Variants in GDPD1 observed in about 807,000 individuals in gnomAD.
The protein encoded by GDPD1 is lysophospholipase D GDPD1.
In GDPD1, 28 loss-of-function variants were observed where a neutral mutation model predicts 45.1. That is an observed-to-expected ratio of 0.62 (90% CI 0.46 to 0.85). The LOEUF (loss-of-function observed/expected upper bound fraction) is 0.85. GDPD1 is among the 40% of genes least tolerant of loss of function. The probability of loss-of-function intolerance (pLI) is 0.00; values close to 1 mark genes in which losing one functional copy is unlikely to be tolerated. For missense variants in GDPD1, 256 were observed against 364.8 expected (o/e 0.70, Z 2.43); for synonymous variants, 139 against 131.4 (o/e 1.06, Z -0.40).
chr17:59,271,332 G>A (rs1298108840), intron 8 of GDPD1, among the ~76,000 whole-genome samples: 1 of 152,114 alleles, frequency 6.6e-6, no homozygotes. Context: ...GAAAAGAAGT[G>A]TAGCAACACA....
rs139910173 is a variant in GDPD1, at chr17:59,253,165, G to T, written c.368-3957G>T. Reference sequence around the variant, plus strand: ...CTATTTAAATAGTGGCCCCTAACTTGCATAGGGGCCACTATTCCATCAACC... The same window carrying T: ...CTATTTAAATAGTGGCCCCTAACTTTCATAGGGGCCACTATTCCATCAACC... On this transcript the variant is annotated intron_variant, in intron 4 of 9. Coordinates refer to ENST00000284116, the MANE Select transcript of GDPD1 (RefSeq NM_182569.4). Among the ~76,000 whole-genome samples, 376 of 151,850 alleles carry T rather than the reference G, an allele frequency of 2.5e-3. 4 individuals are homozygous for T. Among genetic ancestry groups the T allele is most frequent in the Non-Finnish European group, 2.4e-3 (161 of 67,936 alleles).
chr17:59,222,156 C>T (rs7406766), intron 1 of GDPD1, among the ~76,000 whole-genome samples: 67,771 of 151,640 alleles, frequency 0.45, 17,056 homozygotes, highest in African/African-American at 0.7. Context: ...ATTCAAGTTG[C>T]TGTCACAGAA....
intron 3 of GDPD1, among the ~76,000 whole-genome samples, chr17:59,248,248 G>A (rs2047227265): frequency 6.6e-6 from 1 of 151,744 alleles, no homozygotes; most frequent in African/African-American, 2.4e-5. Context: ...ACAGTGAGGT[G>A]TAATTGTGCT....
chr17:59,257,730 A>ATTTTG (rs752759599), intron 5 of GDPD1, 21 bp from the exon 6 acceptor site: 1 of 1,563,768 alleles, frequency 6.4e-7, no homozygotes, highest in East Asian at 2.3e-5. Flanking sequence ...CATGCATAAA[A>ATTTTG]TTTTGAATTT....
At chr17:59,263,483 CTTT>C (rs537639356) in intron 6 of GDPD1, among the ~76,000 whole-genome samples, 2 of 120,320 alleles carry the variant, frequency 1.7e-5, no homozygotes, top group Non-Finnish European at 3.2e-5. Context: ...TTTTCCTTTC[CTTT>C]TTTTTTTTTG....
chr17:59,253,527 T>G (rs955896239), intron 4 of GDPD1, among the ~76,000 whole-genome samples: 8 of 152,278 alleles, frequency 5.3e-5, no homozygotes, highest in Non-Finnish European at 8.8e-5. Context: ...TTTACATCAC[T>G]ATAGCACTTT....
chr17:59,272,632 T>A (rs921564570), intron 8 of GDPD1, among the ~76,000 whole-genome samples, 153 bp from the exon 9 acceptor site: 5 of 152,226 alleles, frequency 3.3e-5, no homozygotes, highest in African/African-American at 1.2e-4. Flanking sequence ...AATTAAGACA[T>A]AAATTAATTC....
chr17:59,257,920 A>T (rs886590465), intron 6 of GDPD1, 80 bp downstream of exon 6: 1 of 991,066 alleles, frequency 1.0e-6, no homozygotes, highest in Non-Finnish European at 1.5e-6. Context: ...TATAGTAATA[A>T]TTTTTTTTCT....
intron 6 of GDPD1, among the ~76,000 whole-genome samples, chr17:59,258,511 C>G (rs1037804983): frequency 1.3e-5 from 2 of 152,032 alleles, no homozygotes; most frequent in Non-Finnish European, 2.9e-5. Flanking sequence ...CCACTGCACT[C>G]CAGTCTGGGC....
At chr17:59,236,912 C>T (rs553525311) in intron 2 of GDPD1, among the ~76,000 whole-genome samples, 2 of 151,942 alleles carry the variant, frequency 1.3e-5, no homozygotes, top group African/African-American at 2.4e-5. Context: ...TTGAGTTTTT[C>T]GTTGTTAGTG....
intron 6 of GDPD1, among the ~76,000 whole-genome samples, chr17:59,261,965 TG>T (rs2047359857): frequency 7.6e-6 from 1 of 131,612 alleles, no homozygotes; most frequent in Non-Finnish European, 1.5e-5. Context: ...TCGCCCAGGC[TG>T]GAGTGCAGTG....
intron 6 of GDPD1, among the ~76,000 whole-genome samples, chr17:59,259,296 G>A (rs573636483): frequency 8.0e-5 from 12 of 149,342 alleles, no homozygotes; most frequent in Non-Finnish European, 1.6e-4. Flanking sequence ...GGCCGGGCGC[G>A]GTGGCTCACG....
intron 4 of GDPD1, among the ~76,000 whole-genome samples, chr17:59,253,501 G>A (rs190241470): frequency 1.2e-4 from 19 of 152,144 alleles, no homozygotes; most frequent in Admixed American, 1.2e-3. Context: ...ACTGCACCTG[G>A]CCTAATATTT....
intron 6 of GDPD1, among the ~76,000 whole-genome samples, chr17:59,264,910 G>A (rs1335218460): frequency 2.6e-5 from 4 of 151,416 alleles, no homozygotes; most frequent in Admixed American, 1.3e-4. Flanking sequence ...GCTCAATCTT[G>A]GCTCACTGCA....
intron 5 of GDPD1, 143 bp downstream of exon 5, chr17:59,257,383 G>A: frequency 1.7e-6 from 1 of 577,574 alleles, no homozygotes; most frequent in Non-Finnish European, 3.0e-6. Context: ...TAATGCCTTA[G>A]TAGAAGAGAT....
chr17:59,267,060 T>C lies in GDPD1; in HGVS notation c.596T>C (p.Leu199Pro). Residue 199 changes from leucine (L) to proline (P), a missense_variant, in exon 7 of 10, where the codon CTC becomes CCC. Leu to Pro is a moderately conservative substitution (Grantham distance 98). Coordinates refer to ENST00000284116, the MANE Select transcript of GDPD1 (RefSeq NM_182569.4). ...CYKENSDIPI[L>P]FSLQRVLLIL... is the part of the protein sequence containing the mutation. The stretch of plus-strand genomic sequence containing the variant: ...TTTTAGAATTCAGATATTCCTATAC[T>C]CTTCAGTCTACAACGTGTCCTGCTC... The C allele has an allele frequency of 1.2e-6, 2 of 1,612,448 alleles. No homozygotes were observed. The highest frequency in any genetic ancestry group is 1.7e-6 in the Non-Finnish European group (2 of 1,178,570).
intron 1 of GDPD1, 23 bp downstream of exon 1, chr17:59,220,774 G>A: frequency 6.2e-7 from 1 of 1,608,954 alleles, no homozygotes. Context: ...CCCAGAACCC[G>A]ATGACGGAGG....
intron 1 of GDPD1, among the ~76,000 whole-genome samples, chr17:59,232,080 T>C (rs921375771): frequency 2.0e-5 from 3 of 152,174 alleles, no homozygotes; most frequent in African/African-American, 7.2e-5. Context: ...TTGGTGACTT[T>C]TAAGGATGCC....
chr17:59,267,287 A>G, intron 7 of GDPD1, 113 bp downstream of exon 7: 1 of 942,074 alleles, frequency 1.1e-6, no homozygotes, highest in Non-Finnish European at 1.6e-6. Flanking sequence ...AGTGATTTCC[A>G]TGTTCTATTA....
Sources: gnomAD v4.1 joint callset for allele counts (sites outside exome capture counted in the v4.1 genomes callset) on GRCh38, gnomAD v4.1.1 for gene constraint, MANE v1.5 for transcripts, NCBI Gene and HGNC (gene_info 2026-07-23, HGNC 2026-07-21) for gene names.